The following ABCA1 variants were observed in gnomAD, a reference collection of about 807,000 sequenced individuals.
The protein encoded by ABCA1 is ATP binding cassette subfamily A member 1.
A neutral mutation model predicts 262.5 loss-of-function variants in ABCA1; 133 were observed. The ratio of observed to expected loss-of-function variants is 0.51; its 90% CI spans 0.44 to 0.59. The LOEUF is 0.59. ABCA1 is among the 20% of genes least tolerant of loss of function. ABCA1 has a pLI of 0.00. For missense variants in ABCA1, 2,452 were observed against 2,777.5 expected (o/e 0.88, Z 2.63); for synonymous variants, 1,022 against 1,043.5 (o/e 0.98, Z 0.40).
intron 8 of ABCA1, among the ~76,000 whole-genome samples, chr9:104,843,661 G>C (rs1330092410): frequency 1.3e-5 from 2 of 151,450 alleles, no homozygotes; most frequent in East Asian, 3.9e-4. Flanking sequence ...CAGGGAAATG[G>C]GTGACACTGT....
intron 1 of ABCA1, among the ~76,000 whole-genome samples, chr9:104,925,255 TAG>T (rs1842362211): frequency 6.6e-6 from 1 of 151,906 alleles, no homozygotes; most frequent in South Asian, 2.1e-4. Context: ...CGTGCGCCTA[TAG>T]TCCCAGCTAC....
intron 2 of ABCA1, among the ~76,000 whole-genome samples, chr9:104,897,491 C>T (rs191623022): frequency 6.6e-6 from 1 of 152,294 alleles, no homozygotes; most frequent in African/African-American, 2.4e-5. Flanking sequence ...ATGTTGGCAA[C>T]AGGGTTTGAA....
chr9:104,811,570 A>T (rs1356650434), intron 28 of ABCA1, among the ~76,000 whole-genome samples: 1 of 152,214 alleles, frequency 6.6e-6, no homozygotes, highest in African/African-American at 2.4e-5. Context: ...TGAAAAAAAA[A>T]TGACTTGGGT....
intron 24 of ABCA1, 66 bp from the exon 25 acceptor site, chr9:104,816,411 A>G: frequency 6.7e-7 from 1 of 1,491,202 alleles, no homozygotes; most frequent in Non-Finnish European, 9.3e-7. Flanking sequence ...AGGGCTGGCC[A>G]TCCCCCACCC....
chr9:104,893,421 C>CAAAAAAAAAAAAAAAAAAAAAA lies in ABCA1; in HGVS notation c.67-4248_67-4227dup, dbSNP rs34544647. 3.4e-4 allele frequency among the ~76,000 whole-genome samples: 12 copies of CAAAAAAAAAAAAAAAAAAAAAA among 35,266 alleles called. 1 individual carries two copies. Among genetic ancestry groups the CAAAAAAAAAAAAAAAAAAAAAA allele is most frequent in the African/African-American group, 5.6e-4 (6 of 10,776 alleles). 23.1% of individuals were successfully genotyped at this position (35,266 alleles called of 152,430 possible). On this transcript the variant is annotated intron_variant, in intron 2 of 49. Coordinates refer to ENST00000374736, the MANE Select transcript of ABCA1 (RefSeq NM_005502.4). The stretch of plus-strand genomic sequence containing the variant: ...TGGGCAACAGAGTGAGACTTCACCT[C>CAAAAAAAAAAAAAAAAAAAAAA]AAAAAAAAAAAAAAAAAAAAAAAAA...
At chr9:104,915,896 G>A (rs965682765) in intron 1 of ABCA1, among the ~76,000 whole-genome samples, 5 of 152,102 alleles carry the variant, frequency 3.3e-5, no homozygotes, top group Non-Finnish European at 7.4e-5. Flanking sequence ...GTCCCAAAAC[G>A]GAGTGCCATC....
At chr9:104,789,581 T>C (rs1351857654) in intron 44 of ABCA1, among the ~76,000 whole-genome samples, 2 of 152,216 alleles carry the variant, frequency 1.3e-5, no homozygotes, top group Non-Finnish European at 1.5e-5. Context: ...TAGTGGGTCA[T>C]GACCAGCACT....
intron 48 of ABCA1, among the ~76,000 whole-genome samples, chr9:104,786,056 A>G (rs984457423): frequency 8.5e-5 from 13 of 152,216 alleles, no homozygotes; most frequent in Admixed American, 3.3e-4. Flanking sequence ...GCTAGGAGGT[A>G]GATCTTCCAG....
chr9:104,858,683 A>T lies in ABCA1; in HGVS notation c.559T>A (p.Tyr187Asn), dbSNP rs1051372731. The T allele has an allele frequency of 1.9e-6, 3 of 1,614,198 alleles. No individual in the cohort carries two copies. In the Admixed American group the frequency reaches 5.0e-5, roughly 27 times the overall value. The change falls in exon 7 of 50, where the codon TAC becomes AAC. Residue 187 changes from tyrosine (Y) to asparagine (N), a missense_variant. Around this residue, in one of 4 missense-constraint regions of ABCA1, gnomAD observed 1,032 missense variants for 1,089.7 expected, o/e 0.95. Coordinates refer to ENST00000374736, the MANE Select transcript of ABCA1 (RefSeq NM_005502.4). ...VILHKVFLQGYQLHLTSLCNG... is the reference protein window; with the variant it reads ...VILHKVFLQGNQLHLTSLCNG... ...CACAGACTTGTCAAATGTAACTGGT[A>T]GCCTTGCAAAAATACCTGGAAGCAT... is the stretch of plus-strand genomic sequence containing the variant.
chr9:104,802,166 G>T lies in ABCA1; in HGVS notation c.4593-7C>A, dbSNP rs376463469. On this transcript the variant is annotated splice_polypyrimidine_tract_variant and splice_region_variant and intron_variant, in intron 33 of 49. Transcript: ENST00000374736. Reference sequence around the variant, plus strand: ...CAGGGAAAAGCCGCCATACCTAAAAGAACAGCCTGACATTAAAACCCAGAC... The same window carrying T: ...CAGGGAAAAGCCGCCATACCTAAAATAACAGCCTGACATTAAAACCCAGAC... 6.2e-6 allele frequency: 10 copies of T among 1,613,086 alleles called. No individual in the cohort carries two copies. The Admixed American group carries it at 1.2e-4, about 19-fold the overall frequency.
At position 104,788,527 on chromosome 9, in the gene ABCA1, A is replaced by G. The variant is rs1241006369; in HGVS notation, c.5968T>C (p.Tyr1990His). The G allele has an allele frequency of 1.2e-6, 2 of 1,614,108 alleles. No homozygotes were observed. Among genetic ancestry groups the G allele is most frequent in the Non-Finnish European group, 8.5e-7 (1 of 1,180,028 alleles). The change falls in exon 45 of 50, where the codon TAC becomes CAC. Residue 1990 changes from tyrosine to histidine, a missense_variant. Tyr to His is a moderately conservative substitution (Grantham distance 83, BLOSUM62 2). This residue lies in a region of ABCA1 where 752 missense variants were observed against 944.5 expected (regional missense o/e 0.80). Transcript: ENST00000374736. ...GTGATGGCATCAAACTGAGGGCAGT[A>G]GCCCATGTTCTGATGTACTTCATGG... Reference protein sequence around the residue: ...NIHEVHQNMGYCPQFDAITEL... With the variant: ...NIHEVHQNMGHCPQFDAITEL...
chr9:104,867,627 C>A (rs1837215074), intron 5 of ABCA1, among the ~76,000 whole-genome samples: 1 of 152,122 alleles, frequency 6.6e-6, no homozygotes, highest in African/African-American at 2.4e-5. Context: ...CTGATACTAT[C>A]TATAAGGTAA....
At chr9:104,896,729 T>C (rs1305344621) in intron 2 of ABCA1, among the ~76,000 whole-genome samples, 1 of 123,776 alleles carries the variant, frequency 8.1e-6, no homozygotes, top group African/African-American at 3.1e-5. Context: ...TTTTTTTTTT[T>C]TTTTTTTTTT....
At position 104,821,479 on chromosome 9, in the gene ABCA1, C is replaced by CG; in HGVS notation, c.2855dup (p.Thr953AspfsTer15). On this transcript the variant is annotated frameshift_variant, in exon 20 of 50. Transcript: ENST00000374736. LOFTEE classifies it high-confidence loss of function. ...CCAGGATGTAGGCGGTGCCCGAGGT[C>CG]GGGGGGAACAACCCGGTCAGGATTG... is the stretch of plus-strand genomic sequence containing the variant. The CG allele has an allele frequency of 6.2e-7, 1 of 1,613,938 alleles. No homozygotes were observed. Among genetic ancestry groups the CG allele is most frequent in the Non-Finnish European group, 8.5e-7 (1 of 1,180,016 alleles).
intron 5 of ABCA1, among the ~76,000 whole-genome samples, chr9:104,882,179 C>T (rs552982104): frequency 5.9e-4 from 90 of 152,144 alleles, no homozygotes; most frequent in African/African-American, 2.0e-3. Flanking sequence ...AAACACCAAA[C>T]GGAATAAAAA....
intron 2 of ABCA1, among the ~76,000 whole-genome samples, chr9:104,900,784 C>T (rs2777791): frequency 6.6e-6 from 1 of 152,198 alleles, no homozygotes; most frequent in East Asian, 1.9e-4. Flanking sequence ...CCAGATCTTT[C>T]CAACTCTAAC....
At chr9:104,865,904 A>C (rs969334044) in intron 5 of ABCA1, among the ~76,000 whole-genome samples, 1 of 152,204 alleles carries the variant, frequency 6.6e-6, no homozygotes, top group African/African-American at 2.4e-5. Context: ...CAAGGCTGAA[A>C]GGGGAGATAA....
chr9:104,799,579 G>GA, intron 36 of ABCA1: 1 of 985,070 alleles, frequency 1.0e-6, no homozygotes, highest in Non-Finnish European at 1.2e-6. Flanking sequence ...CACTTTATAT[G>GA]AATTCACTAA....
At chr9:104,837,642 CAG>C (rs1833942990) in intron 9 of ABCA1, 75 bp from the exon 10 acceptor site, 2 of 1,572,180 alleles carry the variant, frequency 1.3e-6, no homozygotes, top group African/African-American at 1.3e-5. Context: ...GCTTTGGAGC[CAG>C]AGAGTTCTTA....
Sources: gnomAD v4.1 joint callset for allele counts (sites outside exome capture counted in the v4.1 genomes callset) on GRCh38, gnomAD v4.1.1 for gene constraint, gnomAD v4.1.1 regional missense constraint, MANE v1.5 for transcripts, NCBI Gene and HGNC (gene_info 2026-07-23, HGNC 2026-07-21) for gene names.